The following EYS variants were observed in gnomAD, a reference collection of about 807,000 sequenced individuals.
EYS encodes the protein protein eyes shut homolog.
In EYS, 250 loss-of-function variants were observed where a neutral mutation model predicts 282.1. That is an observed-to-expected ratio of 0.89 (90% CI 0.80 to 0.98). The LOEUF is 0.98. Among genes scored for constraint, EYS ranks in the 50% least tolerant of loss-of-function variants. EYS has a pLI of 0.00. For missense variants in EYS, 4,016 were observed against 3,709.0 expected (o/e 1.08, Z -2.15); for synonymous variants, 1,355 against 1,282.9 (o/e 1.06, Z -1.20).
intron 31 of EYS, among the ~76,000 whole-genome samples, chr6:64,187,898 A>T (rs931149565): frequency 3.3e-5 from 5 of 152,054 alleles, no homozygotes; most frequent in African/African-American, 1.2e-4. Flanking sequence ...ATAAATTTTG[A>T]ACTTTTTAAT....
intron 32 of EYS, 63 bp from the exon 33 acceptor site, chr6:64,066,554 ATT>A: frequency 8.7e-7 from 1 of 1,146,964 alleles, no homozygotes; most frequent in Non-Finnish European, 1.2e-6. Flanking sequence ...GTTAACAATA[ATT>A]AAACACAATC....
At chr6:65,327,290 C>T (rs1229803150) in intron 11 of EYS, among the ~76,000 whole-genome samples, 1 of 151,510 alleles carries the variant, frequency 6.6e-6, no homozygotes, top group Non-Finnish European at 1.5e-5. Context: ...TATAATGAAC[C>T]TCTTAACCTA....
At chr6:65,161,686 CA>C (rs1764853816) in intron 12 of EYS, among the ~76,000 whole-genome samples, 2 of 151,130 alleles carry the variant, frequency 1.3e-5, no homozygotes, top group East Asian at 2.0e-4. Flanking sequence ...CTGACACTGA[CA>C]AAATTTATGT....
intron 26 of EYS, among the ~76,000 whole-genome samples, chr6:64,519,792 C>A (rs917868867): frequency 6.6e-6 from 1 of 151,750 alleles, no homozygotes; most frequent in Non-Finnish European, 1.5e-5. Context: ...GATAGTGTTC[C>A]ATCCCCATAG....
At chr6:64,421,860 G>GTGTGTGTGTGTGTGT (rs1554159220) in intron 28 of EYS, among the ~76,000 whole-genome samples, 1 of 138,266 alleles carries the variant, frequency 7.2e-6, no homozygotes, top group African/African-American at 2.8e-5. Context: ...TTGTTTGGGG[G>GTGTGTGTGTGTGTGT]GTGTGTGTGT....
At chr6:65,075,755 A>G (rs1774031079) in intron 12 of EYS, among the ~76,000 whole-genome samples, 1 of 151,962 alleles carries the variant, frequency 6.6e-6, no homozygotes, top group Admixed American at 6.6e-5. Flanking sequence ...TCTAAGGAGA[A>G]TTATAGCAAC....
At chr6:63,794,426 T>G (rs1426676258) in intron 37 of EYS, among the ~76,000 whole-genome samples, 1 of 152,228 alleles carries the variant, frequency 6.6e-6, no homozygotes, top group Non-Finnish European at 1.5e-5. Flanking sequence ...ATTGCTTCAG[T>G]GCATTACTTT....
At chr6:64,588,838 T>A (rs553014255) in intron 26 of EYS, among the ~76,000 whole-genome samples, 1 of 150,224 alleles carries the variant, frequency 6.7e-6, no homozygotes, top group African/African-American at 2.4e-5. Context: ...ACTAAATGAC[T>A]AGAAAGGCAA....
At chr6:65,043,482 A>T (rs2150150461) in intron 13 of EYS, among the ~76,000 whole-genome samples, 1 of 151,570 alleles carries the variant, frequency 6.6e-6, no homozygotes, top group Non-Finnish European at 1.5e-5. Flanking sequence ...TATGTAATAG[A>T]TTTCAAATCT....
intron 26 of EYS, among the ~76,000 whole-genome samples, chr6:64,486,182 G>T (rs1482087420): frequency 6.6e-6 from 1 of 151,430 alleles, no homozygotes; most frequent in Non-Finnish European, 1.5e-5. Flanking sequence ...TTGTGACATG[G>T]AAAGTTATGC....
At chr6:65,318,104 T>C (rs1164871741) in intron 11 of EYS, among the ~76,000 whole-genome samples, 2 of 151,340 alleles carry the variant, frequency 1.3e-5, no homozygotes, top group East Asian at 3.9e-4. Flanking sequence ...CCTGACCTCA[T>C]GATCCGCCCA....
chr6:64,242,122 G>T (rs765297738), intron 30 of EYS, among the ~76,000 whole-genome samples: 6 of 152,116 alleles, frequency 3.9e-5, no homozygotes, highest in Non-Finnish European at 7.4e-5. Flanking sequence ...ATGTGGTGCT[G>T]AGAAGAATGT....
intron 31 of EYS, among the ~76,000 whole-genome samples, chr6:64,085,978 C>A (rs909153786): frequency 6.6e-6 from 1 of 152,168 alleles, no homozygotes; most frequent in African/African-American, 2.4e-5. Context: ...TTAAAACTTT[C>A]TCTTTCCTTG....
chr6:64,737,892 G>A (rs1361748773), intron 22 of EYS, among the ~76,000 whole-genome samples: 3 of 152,150 alleles, frequency 2.0e-5, no homozygotes, highest in African/African-American at 7.2e-5. Flanking sequence ...ATAATGCAAT[G>A]ATGTTCTATC....
chr6:65,057,544 C>A, intron 13 of EYS, 70 bp downstream of exon 13: 1 of 933,948 alleles, frequency 1.1e-6, no homozygotes, highest in East Asian at 2.6e-5. Flanking sequence ...GAAATGAGTT[C>A]AGACAAGAGA....
At chr6:65,569,820 T>C (rs1764414448) in intron 2 of EYS, among the ~76,000 whole-genome samples, 1 of 152,150 alleles carries the variant, frequency 6.6e-6, no homozygotes, top group Non-Finnish European at 1.5e-5. Flanking sequence ...AGTCTCTGAA[T>C]TGGGGGTGAG....
intron 36 of EYS, among the ~76,000 whole-genome samples, chr6:63,848,071 T>G (rs1344433791): frequency 6.6e-6 from 1 of 152,194 alleles, no homozygotes; most frequent in Non-Finnish European, 1.5e-5. Context: ...CTGCTTGGTT[T>G]AGGCTGAAAT....
At chr6:65,243,886 G>A (rs1379813231) in intron 12 of EYS, among the ~76,000 whole-genome samples, 4 of 152,140 alleles carry the variant, frequency 2.6e-5, no homozygotes, top group Non-Finnish European at 5.9e-5. Flanking sequence ...TCTAGCCTAG[G>A]TGACTAAGAA....
At chr6:65,478,933 A>T (rs1265471079) in intron 5 of EYS, among the ~76,000 whole-genome samples, 1 of 152,210 alleles carries the variant, frequency 6.6e-6, no homozygotes, top group Non-Finnish European at 1.5e-5. Context: ...TCCTTTAAGA[A>T]CGAACAAAAC....
Sources: gnomAD v4.1 joint callset for allele counts (sites outside exome capture counted in the v4.1 genomes callset) on GRCh38, gnomAD v4.1.1 for gene constraint, MANE v1.5 for transcripts, NCBI Gene and HGNC (gene_info 2026-07-23, HGNC 2026-07-21) for gene names.